TMEM132D: variants seen among roughly 807,000 people sequenced by gnomAD.
TMEM132D encodes transmembrane protein 132D, also known as mature OL transmembrane protein.
TMEM132D carries 21 observed loss-of-function variants against 62.3 expected under a neutral mutation model. The observed-to-expected ratio is 0.34, with a 90% CI of 0.24 to 0.49. The LOEUF (loss-of-function observed/expected upper bound fraction) is 0.49, where lower values mean the gene tolerates loss of function less well. TMEM132D is among the 20% of genes least tolerant of loss of function. TMEM132D has a pLI of 0.99. For missense variants in TMEM132D, 1,346 were observed against 1,402.8 expected (o/e 0.96, Z 0.65); for synonymous variants, 621 against 575.6 (o/e 1.08, Z -1.13).
intron 2 of TMEM132D, among the ~76,000 whole-genome samples, chr12:129,603,361 T>C (rs1027030764): frequency 6.6e-6 from 1 of 152,222 alleles, no homozygotes; most frequent in African/African-American, 2.4e-5. Context: ...CGAGGTTTTG[T>C]CTTTTGCAAA....
chr12:129,811,972 T>G (rs947494055), intron 1 of TMEM132D, among the ~76,000 whole-genome samples: 3 of 151,680 alleles, frequency 2.0e-5, no homozygotes, highest in Non-Finnish European at 2.9e-5. Flanking sequence ...TATTTCAACC[T>G]CGTGAGATGC....
At chr12:129,826,372 C>T (rs763719624) in intron 1 of TMEM132D, among the ~76,000 whole-genome samples, 1 of 152,136 alleles carries the variant, frequency 6.6e-6, no homozygotes, top group Non-Finnish European at 1.5e-5. Flanking sequence ...TACAGCATGA[C>T]ATAGCTGATT....
At chr12:129,646,981 G>A (rs1879799413) in intron 2 of TMEM132D, among the ~76,000 whole-genome samples, 1 of 151,692 alleles carries the variant, frequency 6.6e-6, no homozygotes, top group Non-Finnish European at 1.5e-5. Flanking sequence ...TGTATTTTTA[G>A]TAGAGACAGG....
intron 1 of TMEM132D, among the ~76,000 whole-genome samples, chr12:129,719,589 G>A (rs953424078): frequency 6.6e-6 from 1 of 152,184 alleles, no homozygotes; most frequent in Non-Finnish European, 1.5e-5. Flanking sequence ...TTGAGAAATG[G>A]CCAATTGTTT....
At chr12:129,307,243 GAA>G (rs950569953) in intron 4 of TMEM132D, among the ~76,000 whole-genome samples, 3 of 152,108 alleles carry the variant, frequency 2.0e-5, no homozygotes, top group Non-Finnish European at 4.4e-5. Context: ...AGCACCCTAT[GAA>G]AAGAGTATAA....
chr12:129,497,034 G>A (rs148269659), intron 3 of TMEM132D, among the ~76,000 whole-genome samples: 1 of 152,200 alleles, frequency 6.6e-6, no homozygotes, highest in African/African-American at 2.4e-5. Flanking sequence ...CTGGCCGGGC[G>A]CAGTGGCTCA....
rs1593250568 is a variant in TMEM132D, at chr12:129,074,033, T to G, written c.3142A>C (p.Thr1048Pro). ...TCTGAGGAGACGGCGGTGAAGGTGG[T>G]AAATTTTACCCTTTTCCTTTTTGAG... The part of the protein sequence containing the change: ...PTSKRKRVKF[T>P]TFTAVSSDDE... The change falls in exon 9 of 9, where the codon ACC (threonine) becomes CCC (proline). Residue 1048 changes from threonine (T) to proline (P), a missense_variant. Thr to Pro is a conservative substitution (Grantham distance 38). Transcript: ENST00000422113. 6.2e-7 allele frequency: 1 copy of G among 1,613,882 alleles called. No individual in the cohort carries two copies. Among genetic ancestry groups the G allele is most frequent in the South Asian group, 1.1e-5 (1 of 91,046 alleles).
At position 129,736,615 on chromosome 12, in the gene TMEM132D, G is replaced by GAAAA. The variant is rs5801879; in HGVS notation, c.80-35921_80-35918dup. ...AAAAACAATGATGTTTTATAGTATT[G>GAAAA]AAAAAAAAACTTTCTAATTTGCCAC... On this transcript the variant is annotated intron_variant, in intron 1 of 8. Transcript: ENST00000422113. 3.5e-3 allele frequency among the ~76,000 whole-genome samples: 534 copies of GAAAA among 151,258 alleles called. 4 individuals are homozygous for GAAAA. Among genetic ancestry groups the GAAAA allele is most frequent in the African/African-American group, 0.012 (509 of 41,222 alleles).
At chr12:129,081,682 C>G (rs1874450068) in intron 7 of TMEM132D, 77 bp downstream of exon 7, 1 of 1,498,032 alleles carries the variant, frequency 6.7e-7, no homozygotes, top group Non-Finnish European at 8.9e-7. Flanking sequence ...TGACAAACAG[C>G]TGGTTTCTCC....
At chr12:129,548,477 C>G (rs561886533) in intron 2 of TMEM132D, among the ~76,000 whole-genome samples, 1 of 152,170 alleles carries the variant, frequency 6.6e-6, no homozygotes, top group South Asian at 2.1e-4. Context: ...CAAGAGATCC[C>G]TCTCTCAGTC....
chr12:129,222,055 T>A (rs1411428367), intron 4 of TMEM132D, among the ~76,000 whole-genome samples: 1 of 152,146 alleles, frequency 6.6e-6, no homozygotes, highest in Non-Finnish European at 1.5e-5. Context: ...AGCTCTTGGG[T>A]TTCGTGGCTG....
intron 3 of TMEM132D, among the ~76,000 whole-genome samples, chr12:129,444,627 G>A (rs1038468467): frequency 2.0e-5 from 3 of 152,006 alleles, no homozygotes; most frequent in African/African-American, 7.3e-5. Context: ...ACCCTCCTCT[G>A]ACAGGCCCCA....
At position 129,392,919 on chromosome 12, in the gene TMEM132D, G is replaced by A. The variant is rs192380387; in HGVS notation, c.1116-55102C>T. Reference sequence around the variant, plus strand: ...ATCGAGGATGCATGGCCCTCTTGTTGTCAATGTCAATTATGATAAACTTGG... The same window carrying A: ...ATCGAGGATGCATGGCCCTCTTGTTATCAATGTCAATTATGATAAACTTGG... On this transcript the variant is annotated intron_variant, in intron 3 of 8. Coordinates refer to ENST00000422113, the MANE Select transcript of TMEM132D (RefSeq NM_133448.3). Among the ~76,000 whole-genome samples, 3 of 152,300 alleles carry A rather than the reference G, an allele frequency of 2.0e-5. No individual in the cohort carries two copies. In the East Asian group the frequency reaches 5.8e-4, roughly 29 times the overall value.
chr12:129,429,835 TG>T (rs1872604453), intron 3 of TMEM132D, among the ~76,000 whole-genome samples: 2 of 150,140 alleles, frequency 1.3e-5, no homozygotes, highest in Non-Finnish European at 3.0e-5. Context: ...ACGCGGTGTT[TG>T]GTTTTTTGTC....
rs147972038 is a variant in TMEM132D at position 129,851,452 on chromosome 12, G to A, written c.79+51809C>T. Among the ~76,000 whole-genome samples, 29 of 152,160 alleles carry A rather than the reference G, an allele frequency of 1.9e-4. No homozygotes were observed. The East Asian group carries it at 2.1e-3, about 11-fold the overall frequency. On this transcript the variant is annotated intron_variant, in intron 1 of 8. Transcript: ENST00000422113. ...ACAATGTTGATTAAATTGTACGCAC[G>A]CCAGCATTAACACTGCTCTAGGTTG...
intron 5 of TMEM132D, among the ~76,000 whole-genome samples, chr12:129,112,659 G>A (rs938707978): frequency 2.6e-5 from 4 of 152,226 alleles, no homozygotes; most frequent in South Asian, 2.1e-4. Flanking sequence ...GCAAAACTCC[G>A]TCTCAAAGAA....
chr12:129,602,729 A>T (rs902305593), intron 2 of TMEM132D, among the ~76,000 whole-genome samples: 1 of 152,124 alleles, frequency 6.6e-6, no homozygotes, highest in African/African-American at 2.4e-5. Flanking sequence ...CCTCCTTATC[A>T]CCATCCCCCA....
At chr12:129,871,579 A>G (rs563570838) in intron 1 of TMEM132D, among the ~76,000 whole-genome samples, 1 of 152,204 alleles carries the variant, frequency 6.6e-6, no homozygotes, top group African/African-American at 2.4e-5. Flanking sequence ...AAATGTTTCT[A>G]GCAAGCAGAA....
chr12:129,566,674 C>A (rs975920690), intron 2 of TMEM132D, among the ~76,000 whole-genome samples: 12 of 152,198 alleles, frequency 7.9e-5, no homozygotes, highest in African/African-American at 2.9e-4. Flanking sequence ...AATCTACATT[C>A]TGTAGAGAAT....
Sources: gnomAD v4.1 joint callset for allele counts (sites outside exome capture counted in the v4.1 genomes callset) on GRCh38, gnomAD v4.1.1 for gene constraint, MANE v1.5 for transcripts, NCBI Gene and HGNC (gene_info 2026-07-23, HGNC 2026-07-21) for gene names.